Variants in SAXO1 observed in about 807,000 individuals in gnomAD.
SAXO1 encodes stabilizer of axonemal microtubules 1.
A neutral mutation model predicts 17.5 loss-of-function variants in SAXO1; 21 were observed. The observed-to-expected ratio is 1.20, with a 90% CI of 0.85 to 1.72. SAXO1 has a LOEUF of 1.72. Ranked by LOEUF, SAXO1 falls within the 40% of genes most tolerant of loss-of-function variation. The pLI is 0.00. For missense variants in SAXO1, 843 were observed against 596.0 expected, an observed-to-expected ratio of 1.41 and a Z score of -4.32; for synonymous variants, 274 against 216.5, an observed-to-expected ratio of 1.27 and a Z score of -2.33.
At chr9:18,944,148 G>T (rs187416022) in intron 2 of SAXO1, among the ~76,000 whole-genome samples, 3 of 151,728 alleles carry the variant, frequency 2.0e-5, no homozygotes, top group Admixed American at 6.6e-5. Flanking sequence ...CTTTGTAAGT[G>T]TTCCTCTATG....
intron 1 of SAXO1, among the ~76,000 whole-genome samples, chr9:19,048,175 A>C (rs1836265506): frequency 6.6e-6 from 1 of 152,230 alleles, no homozygotes; most frequent in African/African-American, 2.4e-5. Flanking sequence ...CACTTTGATA[A>C]GGGCTTTAGG....
intron 1 of SAXO1, among the ~76,000 whole-genome samples, chr9:18,990,549 T>C (rs921161530): frequency 6.6e-5 from 10 of 152,050 alleles, no homozygotes; most frequent in African/African-American, 1.9e-4. Flanking sequence ...CAAGCCTGGG[T>C]GACAAATATG....
At chr9:19,004,223 G>C (rs149612196) in intron 1 of SAXO1, among the ~76,000 whole-genome samples, 285 of 152,316 alleles carry the variant, frequency 1.9e-3, no homozygotes, top group African/African-American at 6.5e-3. Flanking sequence ...TCATTAAAAA[G>C]TCAGGAAACA....
rs541329541 is a variant in SAXO1 at position 18,941,776 on chromosome 9, C to T, written c.282G>A (p.Pro94=). Reference sequence around the variant, plus strand: ...TGAGCAAATCCATATTCTCTTCACTCGGGACGAACTGGTCATACTGGTGGA... The same window carrying T: ...TGAGCAAATCCATATTCTCTTCACTTGGGACGAACTGGTCATACTGGTGGA... ...VKVHQYDQFV[P]SEENMDLLTT... The change falls in exon 3 of 4, where the codon CCG becomes CCA. Residue 94 remains proline (P), a synonymous_variant. Transcript: ENST00000380534. The T allele has an allele frequency of 6.8e-6, 11 of 1,614,054 alleles. No homozygotes were observed. The highest frequency in any genetic ancestry group is 5.3e-5 in the African/African-American group (4 of 74,918).
At chr9:18,961,737 T>G (rs7046240) in intron 1 of SAXO1, among the ~76,000 whole-genome samples, 23,593 of 152,210 alleles carry the variant, frequency 0.16, 3,879 homozygotes, top group African/African-American at 0.42. Flanking sequence ...CAGTCTATCA[T>G]TGATGGGCAT....
chr9:18,932,333 G>C (rs1383049314), intron 3 of SAXO1, among the ~76,000 whole-genome samples: 1 of 152,152 alleles, frequency 6.6e-6, no homozygotes, highest in Non-Finnish European at 1.5e-5. Context: ...AGAAGTTAAC[G>C]ACAATAGACA....
chr9:18,997,691 A>G (rs1020119933), intron 1 of SAXO1, among the ~76,000 whole-genome samples: 1 of 152,196 alleles, frequency 6.6e-6, no homozygotes, highest in African/African-American at 2.4e-5. Context: ...ATGTAGCCTG[A>G]CTGGGAGACA....
chr9:19,006,475 T>C (rs1834484740), intron 1 of SAXO1, among the ~76,000 whole-genome samples: 1 of 152,158 alleles, frequency 6.6e-6, no homozygotes, highest in Non-Finnish European at 1.5e-5. Flanking sequence ...ACAACATGAG[T>C]GAACCTTAGA....
chr9:19,033,719 A>G (rs1159987039), upstream of SAXO1, among the ~76,000 whole-genome samples: 2 of 152,230 alleles, frequency 1.3e-5, no homozygotes, highest in Non-Finnish European at 2.9e-5. Flanking sequence ...GATGCTGGTA[A>G]TGATGCCTTG....
rs185016572 is a variant in SAXO1, at chr9:18,950,184, A to C, written c.218+574T>G. Among the ~76,000 whole-genome samples the C allele has an allele frequency of 2.0e-3, 299 of 152,350 alleles. 1 individual carries two copies. Among genetic ancestry groups the C allele is most frequent in the African/African-American group, 6.9e-3 (285 of 41,582 alleles). ...TGTGGCTCAGCCTCTGCACAGACCT[A>C]GAGCTAAACAATCTTAGTTTGGGAG... On this transcript the variant is annotated intron_variant, in intron 2 of 3. Transcript: ENST00000380534.
At chr9:18,934,111 C>T (rs1279324465) in intron 3 of SAXO1, among the ~76,000 whole-genome samples, 1 of 152,042 alleles carries the variant, frequency 6.6e-6, no homozygotes, top group Non-Finnish European at 1.5e-5. Context: ...TTCTCTTTTG[C>T]CTCCTTCCAA....
chr9:18,992,054 C>T lies in SAXO1; in HGVS notation c.38+40817G>A, dbSNP rs142626757. On this transcript the variant is annotated intron_variant, in intron 1 of 3. Transcript: ENST00000380534. ...CCAGGCACGATTTAATCCTCAGAAC[C>T]CCCCAATGAGATAGGTGTGATTTGT... Among the ~76,000 whole-genome samples, 712 of 152,230 alleles carry T rather than the reference C, an allele frequency of 4.7e-3. 6 individuals carry two copies. The highest frequency in any genetic ancestry group is 6.3e-3 in the Non-Finnish European group (431 of 68,014).
At chr9:19,027,026 A>C (rs1835503606) in intron 1 of SAXO1, 2 of 840,966 alleles carry the variant, frequency 2.4e-6, no homozygotes, top group South Asian at 1.3e-5. Flanking sequence ...AACTGTTGAG[A>C]GTCACCCATG....
At chr9:18,980,073 G>C (rs1248116078) in intron 1 of SAXO1, among the ~76,000 whole-genome samples, 2 of 152,114 alleles carry the variant, frequency 1.3e-5, no homozygotes, top group Non-Finnish European at 2.9e-5. Flanking sequence ...AGAAAGGAAA[G>C]GACTTCAGAT....
At chr9:19,000,818 A>G (rs1273390662) in intron 1 of SAXO1, among the ~76,000 whole-genome samples, 1 of 152,238 alleles carries the variant, frequency 6.6e-6, no homozygotes, top group Non-Finnish European at 1.5e-5. Flanking sequence ...CTTTAAACCA[A>G]CAAAGATCAA....
intron 3 of SAXO1, 93 bp from the exon 4 acceptor site, chr9:18,929,148 G>A (rs889534691): frequency 1.3e-5 from 18 of 1,370,036 alleles, no homozygotes; most frequent in Middle Eastern, 3.9e-4. Flanking sequence ...GGCAGTCTCC[G>A]ATGAAGTGTT....
intron 2 of SAXO1, among the ~76,000 whole-genome samples, chr9:18,944,821 T>C (rs1423635273): frequency 6.6e-6 from 1 of 152,236 alleles, no homozygotes; most frequent in African/African-American, 2.4e-5. Context: ...ATGAAGATTT[T>C]CACCATGACA....
intron 3 of SAXO1, among the ~76,000 whole-genome samples, chr9:18,936,002 G>A (rs1339873688): frequency 6.6e-6 from 1 of 152,116 alleles, no homozygotes; most frequent in Admixed American, 6.5e-5. Context: ...AGGTGCCACA[G>A]TTTCTTTAAT....
chr9:19,023,857 A>G (rs865928095), intron 1 of SAXO1, among the ~76,000 whole-genome samples: 6 of 151,790 alleles, frequency 4.0e-5, no homozygotes, highest in African/African-American at 9.7e-5. Flanking sequence ...AGGAACGAAC[A>G]AAGGGGGCCA....
Sources: gnomAD v4.1 joint callset for allele counts (sites outside exome capture counted in the v4.1 genomes callset) on GRCh38, gnomAD v4.1.1 for gene constraint, MANE v1.5 for transcripts, NCBI Gene and HGNC (gene_info 2026-07-23, HGNC 2026-07-21) for gene names.